The following ASGR1 variants were observed in gnomAD, a reference collection of about 807,000 sequenced individuals.
ASGR1 encodes asialoglycoprotein receptor 1.
Under a neutral mutation model 33.1 loss-of-function variants are expected in ASGR1, and 35 were observed. That is an observed-to-expected ratio of 1.06 (90% CI 0.81 to 1.40). ASGR1 has a LOEUF of 1.40. Ranked by LOEUF, ASGR1 falls within the 40% of genes most tolerant of loss-of-function variation. ASGR1 has a pLI of 0.00. For missense variants in ASGR1, 396 were observed against 373.7 expected (o/e 1.06, Z -0.49); for synonymous variants, 142 against 152.5 (o/e 0.93, Z 0.51).
At chr17:7,174,609 C>T in intron 5 of ASGR1, 149 bp from the exon 6 acceptor site, 1 of 678,182 alleles carries the variant, frequency 1.5e-6, no homozygotes, top group South Asian at 1.8e-5. Flanking sequence ...TGAGAGACCC[C>T]CATACACACA....
intron 5 of ASGR1, chr17:7,176,486 CTA>C (rs142314927): frequency 0.017 from 7,241 of 435,132 alleles, 190 homozygotes; most frequent in South Asian, 0.071. Context: ...CACACACACT[CTA>C]TCTCATTCTC....
At position 7,173,528 on chromosome 17, in the gene ASGR1, G is replaced by T; in HGVS notation, c.*131C>A. On this transcript the variant is annotated 3_prime_UTR_variant, in exon 9 of 9. Transcript: ENST00000269299. This position sits in a 1 kb window ranked among gnomAD's most constrained non-coding sequence, Gnocchi z 4.7. ...ACGGGTTTCAAGCTCCTCACCTTCG[G>T]AACATCACCCTATCCTTCCCCTTCC... 1 of 1,290,572 alleles carries T rather than the reference G, an allele frequency of 7.7e-7. No homozygotes were observed. Among genetic ancestry groups the T allele is most frequent in the Non-Finnish European group, 1.1e-6 (1 of 944,266 alleles). 79.9% of individuals were successfully genotyped at this position (1,290,572 alleles called of 1,614,324 possible). A position where few individuals can be genotyped will look rare whatever the true frequency, so the allele number is the denominator to read the frequency against.
rs753114561 is a variant in ASGR1, at chr17:7,177,058, T to A, written c.206A>T (p.Glu69Val). The A allele has an allele frequency of 1.2e-6, 2 of 1,613,124 alleles. No individual in the cohort carries two copies. Among genetic ancestry groups the A allele is most frequent in the South Asian group, 2.2e-5 (2 of 91,040 alleles). ...IGSQNSQLQE[E>V]LRGLRETFSN... ...GAACGTCTCTCTCAGGCCCCGCAGC[T>A]CCTCCTGCAGCTGGGAGTCTGGCCA... The change falls in exon 4 of 9, where the codon GAG becomes GTG. Residue 69 changes from glutamate to valine, a missense_variant. Transcript: ENST00000269299.
In ASGR1 at chr17:7,173,884, T is replaced by A. The variant is rs946826819; in HGVS notation, c.702-51A>T. ...CCAGGAGGTCGGATCCGCAGGCGGG[T>A]CGCTCCAGACTCCTCAGCCCAGGGC... On this transcript the variant is annotated intron_variant, in intron 8 of 8. Coordinates refer to ENST00000269299, the MANE Select transcript of ASGR1 (RefSeq NM_001671.5). This position sits in a 1 kb window ranked among gnomAD's most constrained non-coding sequence, Gnocchi z 4.7. 1.2e-6 allele frequency: 2 copies of A among 1,605,958 alleles called. No homozygotes were observed. The highest frequency in any genetic ancestry group is 2.7e-5 in the African/African-American group (2 of 74,714).
At chr17:7,178,784 C>T (rs1462665960) in intron 1 of ASGR1, 196 bp from the exon 2 acceptor site, 8 of 432,176 alleles carry the variant, frequency 1.9e-5, no homozygotes, top group African/African-American at 1.1e-4. Flanking sequence ...GTCCCCAGGC[C>T]GGAGTGCAGT....
Position 7,179,234 on chromosome 17 carries a change from T to G in ASGR1, c.-70A>C, listed in dbSNP as rs1368325483. The G allele has an allele frequency of 1.3e-5, 2 of 152,408 alleles. No individual in the cohort carries two copies. Among genetic ancestry groups the G allele is most frequent in the Non-Finnish European group, 2.9e-5 (2 of 68,478 alleles). The allele number at this position is 152,408 out of a possible 1,614,324, so 9.4% of individuals were successfully genotyped here. On this transcript the variant is annotated 5_prime_UTR_variant, in exon 1 of 9. Coordinates refer to ENST00000269299, the MANE Select transcript of ASGR1 (RefSeq NM_001671.5). Reference sequence around the variant, plus strand: ...CTGATTCCCAGGTTCTTCAGTGCTGTGCAGATGCCGAACTAAGGAGGGGGC... The same window carrying G: ...CTGATTCCCAGGTTCTTCAGTGCTGGGCAGATGCCGAACTAAGGAGGGGGC...
rs373411111 is a variant in ASGR1 at position 7,174,267 on chromosome 17, C to A, written c.465G>T (p.Pro155=). The A allele has an allele frequency of 2.4e-5, 38 of 1,614,014 alleles. No homozygotes were observed. In the African/African-American group the frequency reaches 4.4e-4, roughly 19 times the overall value. The change falls in exon 7 of 9, where the codon CCG becomes CCT. Residue 155 remains proline, a synonymous_variant. Coordinates refer to ENST00000269299, the MANE Select transcript of ASGR1 (RefSeq NM_001671.5). ...QGNGSERTCC[P]VNWVEHERSC... ...TGCGCTCGTGCTCCACCCAGTTGAC[C>A]GGGCAGCAGGTCCTTTCTGAGCCTG...
chr17:7,176,583 C>G (rs2142766854), intron 5 of ASGR1: 1 of 578,250 alleles, frequency 1.7e-6, no homozygotes, highest in South Asian at 2.0e-5. Context: ...CACACAGACT[C>G]ACACACACTC....
In ASGR1 at chr17:7,174,197, C is replaced by CAGCCCA; in HGVS notation, c.534_535insTGGGCT (p.Ala178_Asp179insTrpAla). 2 of 1,614,182 alleles carry CAGCCCA rather than the reference C, an allele frequency of 1.2e-6. No individual in the cohort carries two copies. The highest frequency in any genetic ancestry group is 8.5e-7 in the Non-Finnish European group (1 of 1,180,026). On this transcript the variant is annotated inframe_insertion, in exon 7 of 9. Coordinates refer to ENST00000269299, the MANE Select transcript of ASGR1 (RefSeq NM_001671.5). ...GCGTCCTCCAGCCGGCAGTAGTTGTCGGCGTCAGCCCAGGCCTTCCCGGAG... is the reference window on the plus strand; with the variant it reads ...GCGTCCTCCAGCCGGCAGTAGTTGTCAGCCCAGGCGTCAGCCCAGGCCTTCCCGGAG...
Position 7,176,833 on chromosome 17 carries a change from C to A in ASGR1, c.352G>T (p.Glu118Ter), listed in dbSNP as rs1169494948. The change falls in exon 5 of 9, where the codon GAA becomes TAA. Residue 118 changes from glutamate (E) to a stop codon, truncating the protein, a stop_gained. Coordinates refer to ENST00000269299, the MANE Select transcript of ASGR1 (RefSeq NM_001671.5). LOFTEE classifies it high-confidence loss of function. Reference sequence around the variant, plus strand: ...ACACACACACTCCCTCTCTGACCTTCACTCAGGTCCTTCTGCTGTTTCTCC... The same window carrying A: ...ACACACACACTCCCTCTCTGACCTTAACTCAGGTCCTTCTGCTGTTTCTCC... ...QLEKQQKDLS[E>*]DHSSLLLHVK... 6.8e-6 allele frequency: 11 copies of A among 1,612,478 alleles called. No homozygotes were observed. Among genetic ancestry groups the A allele is most frequent in the Admixed American group, 1.7e-5 (1 of 59,986 alleles).
chr17:7,175,226 C>T (rs2069182453), intron 5 of ASGR1, among the ~76,000 whole-genome samples: 2 of 150,856 alleles, frequency 1.3e-5, no homozygotes, highest in Admixed American at 1.3e-4. Flanking sequence ...TACACACCCA[C>T]TCACACACAA....
chr17:7,178,681 G>A (rs2069243508), intron 1 of ASGR1, 93 bp from the exon 2 acceptor site: 2 of 722,268 alleles, frequency 2.8e-6, no homozygotes, highest in Non-Finnish European at 4.5e-6. Flanking sequence ...TCTGATTGAC[G>A]GCTCCATCAT....
rs1428331650 is a variant in ASGR1, at chr17:7,178,733, CTTTTCTTT to C, written c.-25-153_-25-146del. ...TCTTTCTTTTCTTTTTCTTTTTTTTCTTTTCTTTTTTTTTTTTTTTTTGAGAGGGAGTC... is the reference window on the plus strand; with the variant it reads ...TCTTTCTTTTCTTTTTCTTTTTTTTCTTTTTTTTTTTTTTGAGAGGGAGTC... On this transcript the variant is annotated intron_variant, in intron 1 of 8. Coordinates refer to ENST00000269299, the MANE Select transcript of ASGR1 (RefSeq NM_001671.5). The C allele has an allele frequency of 6.8e-3, 1,302 of 191,578 alleles. 1 individual carries two copies. The highest frequency in any genetic ancestry group is 8.9e-3 in the Non-Finnish European group (897 of 101,052). 11.9% of individuals were successfully genotyped at this position (191,578 alleles called of 1,614,324 possible). A position where few individuals can be genotyped will look rare whatever the true frequency, so the allele number is the denominator to read the frequency against.
Position 7,174,422 on chromosome 17 carries a change from A to T in ASGR1, c.394T>A (p.Ser132Thr). ...TGACAGCTCAGGCTCCGCAGGTCAG[A>T]CACGAACTGCTTCACGTGGAGCAGC... Reference protein sequence around the residue: ...SLLLHVKQFVSDLRSLSCQMA... With the variant: ...SLLLHVKQFVTDLRSLSCQMA... Residue 132 changes from serine to threonine, a missense_variant, in exon 6 of 9, where the codon TCT becomes ACT. By Grantham distance (58) the Ser-to-Thr change is moderately conservative (BLOSUM62 1). Transcript: ENST00000269299. The T allele has an allele frequency of 6.2e-7, 1 of 1,613,842 alleles. No homozygotes were observed. Among genetic ancestry groups the T allele is most frequent in the Non-Finnish European group, 8.5e-7 (1 of 1,179,896 alleles).
Position 7,173,961 on chromosome 17 carries a change from T to G in ASGR1, c.701A>C (p.Lys234Thr), listed in dbSNP as rs757827804. ...VDGTDYETGFKNWRPEQPDDW... is the reference protein window; with the variant it reads ...VDGTDYETGFTNWRPEQPDDW... ...AGGCCGAGGGAGGGCGCGCACTCAC[T>G]TGAAGCCCGTCTCGTAGTCCGTCCC... Residue 234 changes from lysine (K) to threonine (T), a missense_variant and splice_region_variant, in exon 8 of 9, where the codon AAG becomes ACG. Lys to Thr is a moderately conservative substitution (Grantham distance 78). Transcript: ENST00000269299. This position sits in a 1 kb window ranked among gnomAD's most constrained non-coding sequence, Gnocchi z 4.7. The G allele has an allele frequency of 3.8e-5, 62 of 1,614,044 alleles. No homozygotes were observed. The highest frequency in any genetic ancestry group is 5.2e-5 in the Non-Finnish European group (61 of 1,179,992).
chr17:7,174,700 C>G (rs569532039), intron 5 of ASGR1, among the ~76,000 whole-genome samples: 68 of 145,204 alleles, frequency 4.7e-4, no homozygotes, highest in African/African-American at 1.6e-3. Context: ...CACACACACA[C>G]AGACAATATA....
chr17:7,178,178 G>C (rs2069238685), intron 2 of ASGR1: 2 of 393,442 alleles, frequency 5.1e-6, no homozygotes, highest in Non-Finnish European at 9.5e-6. Context: ...GAAAGGAAGA[G>C]GGGGCGTGAC....
rs2069158183 is a variant in ASGR1, at chr17:7,173,505, G to A, written c.*154C>T. On this transcript the variant is annotated 3_prime_UTR_variant, in exon 9 of 9. Coordinates refer to ENST00000269299, the MANE Select transcript of ASGR1 (RefSeq NM_001671.5). The surrounding 1 kb of genome is among the most constrained non-coding windows in gnomAD (Gnocchi z 4.7). ...ACCTGCAAACTGCAGAAAGCGCCACGGGTTTCAAGCTCCTCACCTTCGGAA... is the reference window on the plus strand; with the variant it reads ...ACCTGCAAACTGCAGAAAGCGCCACAGGTTTCAAGCTCCTCACCTTCGGAA... 8 of 1,056,856 alleles carry A rather than the reference G, an allele frequency of 7.6e-6. No individual in the cohort carries two copies. Among genetic ancestry groups the A allele is most frequent in the South Asian group, 4.9e-5 (3 of 60,908 alleles). 65.5% of individuals were successfully genotyped at this position (1,056,856 alleles called of 1,614,324 possible).
chr17:7,177,019 G>C lies in ASGR1; in HGVS notation c.245C>G (p.Ala82Gly). The C allele has an allele frequency of 1.2e-6, 2 of 1,611,958 alleles. No homozygotes were observed. Among genetic ancestry groups the C allele is most frequent in the Non-Finnish European group, 8.5e-7 (1 of 1,179,794 alleles). Residue 82 changes from alanine to glycine, a missense_variant, in exon 4 of 9, where the codon GCG becomes GGG. Transcript: ENST00000269299. Reference sequence around the variant, plus strand: ...GCCCTTGACCTGGGCCTCCGTGCTCGCTGTGAAGTTGCTGAACGTCTCTCT... The same window carrying C: ...GCCCTTGACCTGGGCCTCCGTGCTCCCTGTGAAGTTGCTGAACGTCTCTCT... Reference protein sequence around the residue: ...GLRETFSNFTASTEAQVKGLS... With the variant: ...GLRETFSNFTGSTEAQVKGLS...
Sources: allele counts gnomAD v4.1 joint callset (sites outside exome capture counted in the v4.1 genomes callset), GRCh38; gene constraint gnomAD v4.1.1; non-coding constraint Gnocchi (gnomAD v3.1); transcripts MANE v1.5; gene names NCBI Gene and HGNC (gene_info 2026-07-23, HGNC 2026-07-21).